CWH43: variants seen among roughly 807,000 people sequenced by gnomAD.
CWH43 encodes cell wall biogenesis 43 C-terminal homolog.
A neutral mutation model predicts 85.7 loss-of-function variants in CWH43; 91 were observed. That is an observed-to-expected ratio of 1.06 (90% CI 0.90 to 1.26). CWH43 has a LOEUF of 1.26. Among genes scored for constraint, CWH43 ranks in the 50% most tolerant of loss-of-function variants. The pLI is 0.00. For missense variants in CWH43, 869 were observed against 839.2 expected (o/e 1.04, Z -0.44); for synonymous variants, 323 against 293.6 (o/e 1.10, Z -1.02).
intron 8 of CWH43, chr4:49,017,040 A>C: frequency 1.3e-6 from 1 of 749,964 alleles, no homozygotes; most frequent in Non-Finnish European, 2.5e-6. Flanking sequence ...AGAGCAAACC[A>C]CCTCAGCGTC....
chr4:49,062,012 G>C lies in CWH43; in HGVS notation c.*122G>C. ...AAGAACCTCAACTTAAAAAACACAT[G>C]GTATCTATGCAGTGGGAAATTACCT... On this transcript the variant is annotated 3_prime_UTR_variant, in exon 16 of 16. Transcript: ENST00000226432. The C allele has an allele frequency of 1.4e-6, 1 of 724,256 alleles. No individual in the cohort carries two copies. Among genetic ancestry groups the C allele is most frequent in the East Asian group, 4.3e-5 (1 of 23,436 alleles). The allele number at this position is 724,256 out of a possible 1,614,324, so 44.9% of individuals were successfully genotyped here. A position where few individuals can be genotyped will look rare whatever the true frequency, so the allele number is the denominator to read the frequency against.
At chr4:49,045,394 C>T (rs1470523444) in intron 14 of CWH43, among the ~76,000 whole-genome samples, 1 of 152,138 alleles carries the variant, frequency 6.6e-6, no homozygotes, top group Non-Finnish European at 1.5e-5. Flanking sequence ...TTGGATAATA[C>T]ATATTTGGAT....
At chr4:49,017,133 A>T (rs1224886344) in intron 8 of CWH43, 116 bp from the exon 9 acceptor site, 1 of 867,636 alleles carries the variant, frequency 1.2e-6, no homozygotes, top group Non-Finnish European at 1.9e-6. Flanking sequence ...TCCTCCAAGA[A>T]GAACTTCCTG....
At chr4:49,031,747 C>G (rs1020805362) in intron 11 of CWH43, among the ~76,000 whole-genome samples, 7 of 152,102 alleles carry the variant, frequency 4.6e-5, no homozygotes, top group Non-Finnish European at 1.0e-4. Flanking sequence ...AGAGGACAAA[C>G]TCAGGAACTA....
intron 14 of CWH43, 82 bp from the exon 15 acceptor site, chr4:49,050,612 T>C: frequency 9.1e-7 from 1 of 1,104,112 alleles, no homozygotes; most frequent in Non-Finnish European, 1.3e-6. Flanking sequence ...ACTGGTTTAA[T>C]AACAAAGGGG....
chr4:48,998,643 A>G, intron 6 of CWH43, 95 bp downstream of exon 6: 6 of 904,916 alleles, frequency 6.6e-6, no homozygotes, highest in Non-Finnish European at 1.1e-5. Flanking sequence ...AGATACAACC[A>G]TACAAATATG....
chr4:49,010,200 C>T (rs539519385), intron 8 of CWH43, among the ~76,000 whole-genome samples: 2 of 152,156 alleles, frequency 1.3e-5, no homozygotes, highest in African/African-American at 4.8e-5. Context: ...CTAGTTTAGT[C>T]TTGGGAGGGT....
At chr4:49,011,024 A>T (rs922121558) in intron 8 of CWH43, among the ~76,000 whole-genome samples, 3 of 152,068 alleles carry the variant, frequency 2.0e-5, no homozygotes, top group Non-Finnish European at 2.9e-5. Context: ...CAAGTCCTGG[A>T]TATCCTTGTT....
chr4:49,041,175 C>T (rs1392317819), intron 13 of CWH43, among the ~76,000 whole-genome samples: 2 of 152,178 alleles, frequency 1.3e-5, no homozygotes, highest in African/African-American at 4.8e-5. Flanking sequence ...AGTCAGGTAG[C>T]ATGATGCTTC....
intron 9 of CWH43, 101 bp downstream of exon 9, chr4:49,017,429 C>G (rs781565745): frequency 6.3e-6 from 5 of 793,354 alleles, no homozygotes; most frequent in Non-Finnish European, 1.0e-5. Context: ...CTGATGACTT[C>G]AGAGCCCTGG....
chr4:49,003,382 T>C (rs1188413689), intron 6 of CWH43, among the ~76,000 whole-genome samples: 5 of 152,196 alleles, frequency 3.3e-5, no homozygotes, highest in Non-Finnish European at 7.4e-5. Context: ...TCTGATTGGT[T>C]AAATGTAATA....
chr4:49,000,932 C>A (rs140373273), intron 6 of CWH43, among the ~76,000 whole-genome samples: 1 of 152,324 alleles, frequency 6.6e-6, no homozygotes, highest in Non-Finnish European at 1.5e-5. Context: ...CCTTTCTGAT[C>A]ACTTACTCAC....
chr4:48,997,937 T>C (rs1490637556), intron 5 of CWH43, among the ~76,000 whole-genome samples: 3 of 152,202 alleles, frequency 2.0e-5, no homozygotes, highest in Non-Finnish European at 2.9e-5. Context: ...TTAGTCAAAT[T>C]TCTTTTTTCC....
intron 12 of CWH43, among the ~76,000 whole-genome samples, chr4:49,035,111 T>C (rs1332080428): frequency 1.3e-5 from 2 of 152,154 alleles, no homozygotes; most frequent in Non-Finnish European, 2.9e-5. Flanking sequence ...CCTTGAATAA[T>C]TTGTGACGTG....
intron 7 of CWH43, among the ~76,000 whole-genome samples, chr4:49,006,489 T>C (rs1425839051): frequency 6.6e-6 from 1 of 152,236 alleles, no homozygotes; most frequent in Non-Finnish European, 1.5e-5. Flanking sequence ...CCTCCTGCTA[T>C]TTCCTGGAAA....
chr4:48,986,925 G>C (rs1170737266), intron 1 of CWH43: 8 of 549,440 alleles, frequency 1.5e-5, no homozygotes, highest in Middle Eastern at 9.3e-4. Context: ...AGCTGCTGCC[G>C]TGGGCTGGGC....
Position 48,998,619 on chromosome 4 carries a change from A to G in CWH43, c.802+71A>G, listed in dbSNP as rs1266739413. 2.3e-5 allele frequency: 25 copies of G among 1,094,020 alleles called. No homozygotes were observed. In the Admixed American group the frequency reaches 4.2e-4, roughly 19 times the overall value. 67.8% of individuals were successfully genotyped at this position (1,094,020 alleles called of 1,614,324 possible). ...TCCAGTTTGTTTGCAAGCATGCGCA[A>G]CTCGACTGAAAGTAGATACAACCAT... On this transcript the variant is annotated intron_variant, in intron 6 of 15. Coordinates refer to ENST00000226432, the MANE Select transcript of CWH43 (RefSeq NM_025087.3).
intron 12 of CWH43, among the ~76,000 whole-genome samples, chr4:49,037,229 C>T (rs1183967828): frequency 2.6e-5 from 4 of 152,116 alleles, no homozygotes; most frequent in Non-Finnish European, 1.5e-5. Context: ...AATAAAAGCA[C>T]CATGTTCAGC....
At chr4:49,029,164 A>T (rs957138097) in intron 10 of CWH43, among the ~76,000 whole-genome samples, 3 of 152,220 alleles carry the variant, frequency 2.0e-5, no homozygotes, top group Admixed American at 6.5e-5. Flanking sequence ...AAGACATAAG[A>T]AATTCCATTT....
Sources: allele counts gnomAD v4.1 joint callset (sites outside exome capture counted in the v4.1 genomes callset), GRCh38; gene constraint gnomAD v4.1.1; transcripts MANE v1.5; gene names NCBI Gene and HGNC (gene_info 2026-07-23, HGNC 2026-07-21).